ARSG: variants seen among roughly 807,000 people sequenced by gnomAD.
ARSG encodes the protein arylsulfatase G, also known as ASG.
ARSG carries 37 observed loss-of-function variants against 50.5 expected under a neutral mutation model. The observed-to-expected ratio is 0.73, with a 90% confidence interval of 0.56 to 0.96. The LOEUF (loss-of-function observed/expected upper bound fraction) is 0.96, where lower values mean the gene tolerates loss of function less well. ARSG is among the 50% of genes least tolerant of loss of function. The pLI, the probability that ARSG is intolerant of heterozygous loss-of-function variation, is 0.00. For missense variants in ARSG, 629 were observed against 675.3 expected, an observed-to-expected ratio of 0.93 and a Z score of 0.76; for synonymous variants, 225 against 254.6, an observed-to-expected ratio of 0.88 and a Z score of 1.11.
At position 68,420,198 on chromosome 17, in the gene ARSG, G is replaced by C. The variant is rs368990704; in HGVS notation, c.1313G>C (p.Arg438Thr). Reference protein sequence around the residue: ...YKAFYITGGARACDGSTGPEL... With the variant: ...YKAFYITGGATACDGSTGPEL... ...GTCATTCCCTCTCTAGGTGGAGCCA[G>C]GGCGTGTGATGGGAGCACGGGGCCT... The change falls in exon 12 of 12, where the codon AGG becomes ACG. Residue 438 changes from arginine (R) to threonine (T), a missense_variant. Arg to Thr is a moderately conservative substitution (Grantham distance 71, BLOSUM62 -1). Coordinates refer to ENST00000621439, the MANE Select transcript of ARSG (RefSeq NM_001267727.2). 2.5e-6 allele frequency: 4 copies of C among 1,614,030 alleles called. No individual in the cohort carries two copies. The highest frequency in any genetic ancestry group is 3.4e-6 in the Non-Finnish European group (4 of 1,180,006).
intron 2 of ARSG, 83 bp from the exon 3 acceptor site, chr17:68,343,521 C>G: frequency 3.8e-6 from 5 of 1,301,944 alleles, no homozygotes; most frequent in Non-Finnish European, 5.3e-6. Context: ...ACTGAAATTG[C>G]AGGAACTGAG....
intron 2 of ARSG, among the ~76,000 whole-genome samples, chr17:68,317,129 G>A (rs986577401): frequency 6.6e-5 from 10 of 152,206 alleles, no homozygotes; most frequent in South Asian, 2.1e-4. Flanking sequence ...TTATGATGTC[G>A]TTATTTGTTA....
chr17:68,339,277 G>A (rs1249179212), intron 2 of ARSG, among the ~76,000 whole-genome samples: 2 of 151,914 alleles, frequency 1.3e-5, no homozygotes, highest in East Asian at 3.9e-4. Context: ...CAGCCTGGGC[G>A]ACAGAGCGAG....
chr17:68,414,425 G>A (rs180942280), intron 11 of ARSG, among the ~76,000 whole-genome samples: 42 of 152,280 alleles, frequency 2.8e-4, no homozygotes, highest in Non-Finnish European at 5.6e-4. Flanking sequence ...GTTGGATTCA[G>A]TTAGCTAGTA....
the ARSG span, among the ~76,000 whole-genome samples, chr17:68,429,704 C>A: frequency 1.3e-5 from 2 of 151,978 alleles, no homozygotes; most frequent in African/African-American, 2.4e-5. Flanking sequence ...TTCTCCTGCC[C>A]CAACCTCCCA....
At chr17:68,418,211 T>C (rs2082513213) in intron 11 of ARSG, among the ~76,000 whole-genome samples, 1 of 152,192 alleles carries the variant, frequency 6.6e-6, no homozygotes, top group African/African-American at 2.4e-5. Flanking sequence ...CTGAGAGTGT[T>C]GATTTTTGTT....
intron 1 of ARSG, among the ~76,000 whole-genome samples, chr17:68,302,391 C>T (rs1452650480): frequency 1.3e-5 from 2 of 152,140 alleles, no homozygotes; most frequent in Admixed American, 6.5e-5. Context: ...GCCCGACCTT[C>T]TTGTTATTTC....
intron 2 of ARSG, among the ~76,000 whole-genome samples, chr17:68,311,823 C>T (rs534725725): frequency 3.5e-5 from 4 of 112,970 alleles, no homozygotes; most frequent in South Asian, 5.6e-4. Flanking sequence ...TTTTTTTTGA[C>T]GGAGTCTTGC....
At chr17:68,262,198 G>A (rs1252203324) in intron 1 of ARSG, among the ~76,000 whole-genome samples, 3 of 151,548 alleles carry the variant, frequency 2.0e-5, no homozygotes, top group Non-Finnish European at 4.4e-5. Context: ...AGGGCCGGGC[G>A]TAGTGGCTCA....
In ARSG at chr17:68,293,634, C is replaced by T. The variant is rs186503682; in HGVS notation, c.-552+2066C>T. Among the ~76,000 whole-genome samples the T allele has an allele frequency of 3.9e-5, 6 of 152,120 alleles. No homozygotes were observed. In the East Asian group the frequency reaches 9.6e-4, roughly 24 times the overall value. On this transcript the variant is annotated intron_variant, in intron 1 of 11. Transcript: ENST00000621439. ...GCCATACATGTAATGCAATGTTAAC[C>T]GCATCAGTAACCTTCTGTAGTTGAC...
intron 1 of ARSG, among the ~76,000 whole-genome samples, chr17:68,286,116 A>C (rs1231897551): frequency 3.9e-5 from 6 of 152,164 alleles, no homozygotes; most frequent in African/African-American, 1.4e-4. Flanking sequence ...TGTGGGTTGC[A>C]TTTAGATGAG....
intron 2 of ARSG, among the ~76,000 whole-genome samples, chr17:68,323,609 C>T (rs2077380899): frequency 6.6e-6 from 1 of 152,084 alleles, no homozygotes; most frequent in Non-Finnish European, 1.5e-5. Context: ...CCCTCATAAC[C>T]TTATCTAAAT....
chr17:68,300,915 G>A (rs1166337552), intron 1 of ARSG, among the ~76,000 whole-genome samples: 3 of 151,408 alleles, frequency 2.0e-5, no homozygotes, highest in East Asian at 3.9e-4. Flanking sequence ...TCAGGAGATC[G>A]AGACCATCCT....
intron 11 of ARSG, among the ~76,000 whole-genome samples, chr17:68,410,737 C>T (rs1429380902): frequency 1.1e-4 from 17 of 152,120 alleles, no homozygotes; most frequent in South Asian, 4.1e-4. Context: ...AATTCAGCTG[C>T]GAATCCATCT....
chr17:68,445,218 C>A, the ARSG span, among the ~76,000 whole-genome samples: 1 of 152,188 alleles, frequency 6.6e-6, no homozygotes, highest in Non-Finnish European at 1.5e-5. Context: ...CCGCGTTCAA[C>A]AGGACTTCTG....
At chr17:68,437,546 T>C in the ARSG span, among the ~76,000 whole-genome samples, 1,282 of 151,070 alleles carry the variant, frequency 8.5e-3, 20 homozygotes, top group African/African-American at 0.027. Context: ...AGTGAGGTTC[T>C]GTCTTAAGAA....
At chr17:68,320,960 A>T (rs1555770343) in intron 2 of ARSG, among the ~76,000 whole-genome samples, 1 of 152,168 alleles carries the variant, frequency 6.6e-6, no homozygotes, top group Non-Finnish European at 1.5e-5. Context: ...GAAAGGAGAA[A>T]TTTGCCAAGG....
At chr17:68,373,719 C>T (rs2079986347) in intron 8 of ARSG, among the ~76,000 whole-genome samples, 1 of 152,070 alleles carries the variant, frequency 6.6e-6, no homozygotes, top group Non-Finnish European at 1.5e-5. Context: ...GTGTTTCTCA[C>T]TCTCACTCTC....
In ARSG at chr17:68,381,985, C is replaced by G. The variant is rs1047044716; in HGVS notation, c.983-3079C>G. On this transcript the variant is annotated intron_variant, in intron 8 of 11. Coordinates refer to ENST00000621439, the MANE Select transcript of ARSG (RefSeq NM_001267727.2). The surrounding 1 kb of genome is among the most constrained non-coding windows in gnomAD (Gnocchi z 4.1). Reference sequence around the variant, plus strand: ...CCTTTTTTTTTTTTTGACAGAGTCTCTGTCGTGCAGGCTGGAGTGAAGTGG... The same window carrying G: ...CCTTTTTTTTTTTTTGACAGAGTCTGTGTCGTGCAGGCTGGAGTGAAGTGG... 5.5e-5 allele frequency among the ~76,000 whole-genome samples: 8 copies of G among 145,706 alleles called. No individual in the cohort carries two copies. Among genetic ancestry groups the G allele is most frequent in the African/African-American group, 2.0e-4 (8 of 39,652 alleles).
Sources: gnomAD v4.1 joint callset for allele counts (sites outside exome capture counted in the v4.1 genomes callset) on GRCh38, gnomAD v4.1.1 for gene constraint, Gnocchi (gnomAD v3.1) non-coding constraint, MANE v1.5 for transcripts, NCBI Gene and HGNC (gene_info 2026-07-23, HGNC 2026-07-21) for gene names.